Variants in DHX57 observed in about 807,000 individuals in gnomAD.
DHX57 encodes putative ATP-dependent RNA helicase DHX57.
DHX57 carries 105 observed loss-of-function variants against 156.2 expected under a neutral mutation model. The ratio of observed to expected loss-of-function variants is 0.67; its 90% CI spans 0.57 to 0.79. The LOEUF (loss-of-function observed/expected upper bound fraction) is 0.79. Ranked by LOEUF, DHX57 falls within the 30% of genes least tolerant of loss-of-function variation. DHX57 has a pLI of 0.00. For missense variants in DHX57, 1,847 were observed against 1,661.9 expected, an observed-to-expected ratio of 1.11 and a Z score of -1.94; for synonymous variants, 704 against 595.6, an observed-to-expected ratio of 1.18 and a Z score of -2.65.
chr2:38,851,932 T>C (rs527700393), intron 9 of DHX57, among the ~76,000 whole-genome samples: 1 of 152,156 alleles, frequency 6.6e-6, no homozygotes, highest in Non-Finnish European at 1.5e-5. Flanking sequence ...TATTTACCAT[T>C]AATTTTTTTT....
chr2:38,808,787 T>G (rs1365164197), intron 21 of DHX57, among the ~76,000 whole-genome samples: 1 of 152,170 alleles, frequency 6.6e-6, no homozygotes, highest in Non-Finnish European at 1.5e-5. Context: ...ACTATTTATT[T>G]ATTTTAATCT....
intron 23 of DHX57, among the ~76,000 whole-genome samples, chr2:38,800,109 C>G (rs568803367): frequency 6.0e-5 from 9 of 149,924 alleles, no homozygotes; most frequent in South Asian, 2.1e-4. Flanking sequence ...CGCTTGAACA[C>G]GGGAGGCAGA....
In DHX57 at chr2:38,827,543, C is replaced by G. The variant is rs1173627448; in HGVS notation, c.2639+797G>C. 8.6e-5 allele frequency among the ~76,000 whole-genome samples: 9 copies of G among 104,570 alleles called. 1 individual carries two copies. The highest frequency in any genetic ancestry group is 1.3e-4 in the Non-Finnish European group (7 of 53,344). The allele number at this position is 104,570 out of a possible 152,430, so 68.6% of individuals were successfully genotyped here. ...ATATATATATATATATACACACATA[C>G]ATATATATACACATACACACACACA... On this transcript the variant is annotated intron_variant, in intron 14 of 23. Transcript: ENST00000457308.
chr2:38,853,224 AT>A (rs11317082), intron 9 of DHX57: 119,300 of 136,494 alleles, frequency 0.87, 53,425 homozygotes, highest in South Asian at 0.98. Flanking sequence ...CGCCTGGCTA[AT>A]TTTTTTTTTT....
At chr2:38,873,197 G>A (rs1665435085) in intron 1 of DHX57, among the ~76,000 whole-genome samples, 1 of 152,136 alleles carries the variant, frequency 6.6e-6, no homozygotes, top group South Asian at 2.1e-4. Flanking sequence ...CACCATGTTG[G>A]TCAGGCTGGT....
At chr2:38,811,104 C>T (rs1670222442) in intron 21 of DHX57, 9 of 558,974 alleles carry the variant, frequency 1.6e-5, no homozygotes, top group Non-Finnish European at 2.7e-5. Context: ...ATTCCAGCCT[C>T]GTGGCTGATG....
At chr2:38,814,725 C>A (rs539322684) in intron 20 of DHX57, among the ~76,000 whole-genome samples, 1 of 105,392 alleles carries the variant, frequency 9.5e-6, no homozygotes, top group African/African-American at 2.8e-5. Context: ...AGCAGAAAAC[C>A]CTGTTTTTTT....
chr2:38,803,458 G>C (rs573958600), intron 22 of DHX57, among the ~76,000 whole-genome samples: 1 of 150,918 alleles, frequency 6.6e-6, no homozygotes, highest in African/African-American at 2.4e-5. Flanking sequence ...AAAATGCCTT[G>C]ACATATTCTC....
rs1320341413 is a variant in DHX57 at position 38,815,731 on chromosome 2, A to C, written c.3472-76T>G. On this transcript the variant is annotated intron_variant, in intron 19 of 23. Transcript: ENST00000457308. Reference sequence around the variant, plus strand: ...TTAAGTCTTACAAAAATGAGTGATTATAAAAATGCATTATTTCAGGGGGTA... The same window carrying C: ...TTAAGTCTTACAAAAATGAGTGATTCTAAAAATGCATTATTTCAGGGGGTA... 5.7e-6 allele frequency: 9 copies of C among 1,576,410 alleles called. No individual in the cohort carries two copies. The African/African-American group carries it at 1.2e-4, about 21-fold the overall frequency.
In DHX57 at chr2:38,861,673, T is replaced by A; in HGVS notation, c.737A>T (p.Glu246Val). 6.2e-7 allele frequency: 1 copy of A among 1,614,168 alleles called. No homozygotes were observed. Residue 246 changes from glutamate to valine, a missense_variant, in exon 5 of 24, where the codon GAA (glutamate) becomes GTA (valine). Coordinates refer to ENST00000457308, the MANE Select transcript of DHX57 (RefSeq NM_198963.3). ...VNQISLDECM[E>V]QRQEEAFALK... ...AGCAAATGCCTCTTCCTGTCGCTGT[T>A]CCATACACTCATCCAAGCTTATCTG...
intron 2 of DHX57, among the ~76,000 whole-genome samples, chr2:38,864,206 C>A (rs1179517899): frequency 6.6e-6 from 1 of 150,466 alleles, no homozygotes; most frequent in Non-Finnish European, 1.5e-5. Context: ...TATTAAGGCC[C>A]CATTTCTAAA....
chr2:38,813,103 C>G (rs1373002267), intron 21 of DHX57, among the ~76,000 whole-genome samples: 1 of 152,062 alleles, frequency 6.6e-6, no homozygotes, highest in Non-Finnish European at 1.5e-5. Flanking sequence ...AACTCGGCTT[C>G]CCAAAGTGTT....
Position 38,825,829 on chromosome 2 carries a change from CA to C in DHX57, c.3014+17del, listed in dbSNP as rs772349404. ...ATTTAGACCTTTTGGAAGCAAAACA[CA>C]AAAAACCAGATGTCACCTTAGACAC... On this transcript the variant is annotated intron_variant, in intron 16 of 23. Coordinates refer to ENST00000457308, the MANE Select transcript of DHX57 (RefSeq NM_198963.3). 7 of 1,613,852 alleles carry C rather than the reference CA, an allele frequency of 4.3e-6. No individual in the cohort carries two copies. In the Admixed American group the frequency reaches 8.3e-5, roughly 19 times the overall value.
At chr2:38,801,605 T>G (rs763609572) in intron 23 of DHX57, among the ~76,000 whole-genome samples, 4 of 150,052 alleles carry the variant, frequency 2.7e-5, no homozygotes, top group Non-Finnish European at 5.9e-5. Context: ...TATATATTCA[T>G]TTTTTTGAGA....
At chr2:38,862,521 T>C (rs1296113220) in intron 3 of DHX57, 188 bp from the exon 4 acceptor site, 5 of 514,646 alleles carry the variant, frequency 9.7e-6, no homozygotes, top group Non-Finnish European at 1.6e-5. Flanking sequence ...TAAATACCAG[T>C]TACTGTGTTA....
intron 15 of DHX57, 138 bp from the exon 16 acceptor site, chr2:38,826,185 C>T: frequency 1.1e-6 from 1 of 937,492 alleles, no homozygotes; most frequent in Non-Finnish European, 1.6e-6. Context: ...TAGTTGAGCC[C>T]CTGGTAGGAG....
At chr2:38,871,622 G>A (rs3099943) in intron 1 of DHX57, among the ~76,000 whole-genome samples, 36,385 of 151,936 alleles carry the variant, frequency 0.24, 5,332 homozygotes, top group Non-Finnish European at 0.32. Flanking sequence ...TCTGCGTAGT[G>A]TCATCTCATG....
chr2:38,862,403 G>T (rs1031143347), intron 3 of DHX57, 70 bp from the exon 4 acceptor site: 10 of 1,377,660 alleles, frequency 7.3e-6, no homozygotes, highest in South Asian at 2.0e-5. Flanking sequence ...TTTAGCAAAG[G>T]TCTAAGAATT....
At chr2:38,841,350 G>C (rs1246741563) in intron 12 of DHX57, among the ~76,000 whole-genome samples, 1 of 152,174 alleles carries the variant, frequency 6.6e-6, no homozygotes, top group African/African-American at 2.4e-5. Flanking sequence ...TAAAGAACTT[G>C]CTCAAGATCA....
Sources: allele counts gnomAD v4.1 joint callset (sites outside exome capture counted in the v4.1 genomes callset), GRCh38; gene constraint gnomAD v4.1.1; transcripts MANE v1.5; gene names NCBI Gene and HGNC (gene_info 2026-07-23, HGNC 2026-07-21).